Variants in NIPAL1 observed in about 807,000 individuals in gnomAD.
NIPAL1 encodes the protein magnesium transporter NIPA3.
Under a neutral mutation model 37.7 loss-of-function variants are expected in NIPAL1, and 35 were observed. The observed-to-expected ratio is 0.93, with a 90% CI of 0.71 to 1.23. The LOEUF is 1.23. Ranked by LOEUF, NIPAL1 falls within the 50% of genes most tolerant of loss-of-function variation. The pLI is 0.00. For missense variants in NIPAL1, 412 were observed against 473.9 expected (o/e 0.87, Z 1.21); for synonymous variants, 162 against 183.0 (o/e 0.89, Z 0.93).
At chr4:48,024,913 G>A (rs1715652545) in intron 1 of NIPAL1, among the ~76,000 whole-genome samples, 155 bp from the exon 2 acceptor site, 1 of 152,218 alleles carries the variant, frequency 6.6e-6, no homozygotes, top group South Asian at 2.1e-4. Flanking sequence ...AATTGACAGT[G>A]TCTATAGGTC....
Position 48,025,073 on chromosome 4 carries a change from G to T in NIPAL1, c.52G>T (p.Val18Leu), listed in dbSNP as rs1183320592. The change falls in exon 2 of 6, where the codon GTG (valine) becomes TTG (leucine). Residue 18 changes from valine to leucine, a missense_variant. Coordinates refer to ENST00000295461, the MANE Select transcript of NIPAL1 (RefSeq NM_207330.3). The part of the protein sequence containing the change: ...PPGEPCREGY[V>L]LSLVCPNSSQ... ...TCTTCTTTCCTTTTTTCCAGGATAT[G>T]TGCTGTCTCTGGTCTGTCCAAACTC... The T allele has an allele frequency of 6.2e-7, 1 of 1,612,656 alleles. No homozygotes were observed. Among genetic ancestry groups the T allele is most frequent in the Non-Finnish European group, 8.5e-7 (1 of 1,179,276 alleles).
In NIPAL1 at chr4:48,039,891, A is replaced by G. The variant is rs1309876090; in HGVS notation, c.*3719A>G. ...ACATTATCTCATTTTAAATAATGCA[A>G]GTGAAAGTGAATTCATCATACTATC... On this transcript the variant is annotated 3_prime_UTR_variant, in exon 6 of 6. Transcript: ENST00000295461. 2 of 152,224 alleles carry G rather than the reference A, an allele frequency of 1.3e-5. No homozygotes were observed. Among genetic ancestry groups the G allele is most frequent in the Non-Finnish European group, 2.9e-5 (2 of 68,024 alleles). 9.4% of individuals were successfully genotyped at this position (152,224 alleles called of 1,614,324 possible). A position where few individuals can be genotyped will look rare whatever the true frequency, so the allele number is the denominator to read the frequency against.
intron 3 of NIPAL1, among the ~76,000 whole-genome samples, chr4:48,032,421 T>C (rs1026003249): frequency 2.6e-5 from 4 of 152,220 alleles, no homozygotes; most frequent in Non-Finnish European, 4.4e-5. Context: ...TTCAGGAGCA[T>C]ATCATGACTT....
intron 1 of NIPAL1, among the ~76,000 whole-genome samples, chr4:48,021,417 T>A (rs1715564967): frequency 6.6e-6 from 1 of 152,214 alleles, no homozygotes; most frequent in African/African-American, 2.4e-5. Context: ...TGTGTGTATG[T>A]AAACTATTAC....
intron 1 of NIPAL1, among the ~76,000 whole-genome samples, chr4:48,021,274 T>G (rs996443520): frequency 6.6e-6 from 1 of 151,870 alleles, no homozygotes; most frequent in African/African-American, 2.4e-5. Flanking sequence ...AGAACAAACA[T>G]AGGTTATGAT....
In NIPAL1 at chr4:48,030,113, AT is replaced by A. The variant is rs1715787255; in HGVS notation, c.314-3del. Reference sequence around the variant, plus strand: ...TTTTTTGTTAATTTTTACTTTTTGTATTTTAGGACAAGGTGGACATTCTTAC... The same window carrying A: ...TTTTTTGTTAATTTTTACTTTTTGTATTTAGGACAAGGTGGACATTCTTAC... On this transcript the variant is annotated splice_polypyrimidine_tract_variant and splice_region_variant and intron_variant, in intron 2 of 5. Coordinates refer to ENST00000295461, the MANE Select transcript of NIPAL1 (RefSeq NM_207330.3). 1 of 1,589,316 alleles carries A rather than the reference AT, an allele frequency of 6.3e-7. No individual in the cohort carries two copies. Among genetic ancestry groups the A allele is most frequent in the African/African-American group, 1.3e-5 (1 of 74,412 alleles).
At chr4:48,021,244 C>A (rs1715561110) in intron 1 of NIPAL1, among the ~76,000 whole-genome samples, 1 of 152,066 alleles carries the variant, frequency 6.6e-6, no homozygotes, top group Admixed American at 6.6e-5. Context: ...TATGAGGCAC[C>A]AGTATTGTAA....
rs757343949 is a variant in NIPAL1, at chr4:48,032,956, C to A, written c.371-37C>A. Reference sequence around the variant, plus strand: ...TTGTTTTTCTCTTCTGACAAGTAAGCCCATTTTTTATATCAATATCTCTGC... The same window carrying A: ...TTGTTTTTCTCTTCTGACAAGTAAGACCATTTTTTATATCAATATCTCTGC... On this transcript the variant is annotated intron_variant, in intron 3 of 5. Transcript: ENST00000295461. 1.0e-5 allele frequency: 15 copies of A among 1,440,370 alleles called. No individual in the cohort carries two copies. In the East Asian group the frequency reaches 1.8e-4, roughly 17 times the overall value. The allele number at this position is 1,440,370 out of a possible 1,614,324, so 89.2% of individuals were successfully genotyped here. A position where few individuals can be genotyped will look rare whatever the true frequency, so the allele number is the denominator to read the frequency against.
At chr4:48,029,433 G>T (rs1243228702) in intron 2 of NIPAL1, among the ~76,000 whole-genome samples, 1 of 152,116 alleles carries the variant, frequency 6.6e-6, no homozygotes. Flanking sequence ...AGGTGGGAGG[G>T]TAAAAGGGTA....
At chr4:48,018,600 T>A (rs1323959876) in intron 1 of NIPAL1, among the ~76,000 whole-genome samples, 1 of 152,112 alleles carries the variant, frequency 6.6e-6, no homozygotes, top group African/African-American at 2.4e-5. Context: ...TAGGTGCAGG[T>A]GGGATTACAT....
Position 48,036,979 on chromosome 4 carries a change from T to A in NIPAL1, c.*807T>A, listed in dbSNP as rs1007399869. The A allele has an allele frequency of 2.2e-4, 34 of 155,778 alleles. No homozygotes were observed. The highest frequency in any genetic ancestry group is 4.3e-4 in the Non-Finnish European group (30 of 70,352). 9.6% of individuals were successfully genotyped at this position (155,778 alleles called of 1,614,324 possible). ...GGCTTTTGCTTTAAAAAACTTTTTTTAAAACAGAAGTGAAACCACGGGTGC... is the reference window on the plus strand; with the variant it reads ...GGCTTTTGCTTTAAAAAACTTTTTTAAAAACAGAAGTGAAACCACGGGTGC... On this transcript the variant is annotated 3_prime_UTR_variant, in exon 6 of 6. Transcript: ENST00000295461.
chr4:48,026,230 A>G (rs1715684640), intron 2 of NIPAL1, among the ~76,000 whole-genome samples: 1 of 152,230 alleles, frequency 6.6e-6, no homozygotes, highest in South Asian at 2.1e-4. Flanking sequence ...ATGGACAACA[A>G]TAGAATTAGG....
In NIPAL1 at chr4:48,023,488, T is replaced by C. The variant is rs114219671; in HGVS notation, c.47-1580T>C. Among the ~76,000 whole-genome samples the C allele has an allele frequency of 2.4e-3, 364 of 152,316 alleles. 3 individuals are homozygous for C. Among genetic ancestry groups the C allele is most frequent in the African/African-American group, 8.3e-3 (343 of 41,562 alleles). The stretch of plus-strand genomic sequence containing the variant: ...TTAAGATTTTTGAAATGTAAAACTT[T>C]TCTAAAAATTGAATTACAAAATTGT... On this transcript the variant is annotated intron_variant, in intron 1 of 5. Coordinates refer to ENST00000295461, the MANE Select transcript of NIPAL1 (RefSeq NM_207330.3).
chr4:48,024,989 T>G, intron 1 of NIPAL1, 79 bp from the exon 2 acceptor site: 1 of 1,293,176 alleles, frequency 7.7e-7, no homozygotes, highest in Admixed American at 1.9e-5. Context: ...CACTCAAGGC[T>G]CTGTTTCCTG....
intron 2 of NIPAL1, among the ~76,000 whole-genome samples, chr4:48,026,651 T>C (rs1715693120): frequency 6.6e-6 from 1 of 152,104 alleles, no homozygotes; most frequent in Non-Finnish European, 1.5e-5. Context: ...GAGAAAAACA[T>C]GAAAGTTCTG....
At chr4:48,026,127 A>G (rs1273639022) in intron 2 of NIPAL1, among the ~76,000 whole-genome samples, 2 of 152,102 alleles carry the variant, frequency 1.3e-5, no homozygotes, top group East Asian at 3.9e-4. Flanking sequence ...ATTGTTGCTG[A>G]CAGGTTTACT....
Position 48,035,770 on chromosome 4 carries a change from T to C in NIPAL1, c.831T>C (p.Phe277=). ...WKPVYKHPLV[F]VLLAVLVLSV... ...CAGTTTACAAACATCCGCTGGTCTT[T>C]GTTTTGCTGGCTGTACTTGTGCTTT... The change falls in exon 6 of 6, where the codon TTT becomes TTC. Residue 277 remains phenylalanine (F), a synonymous_variant. Transcript: ENST00000295461. 3 of 1,614,228 alleles carry C rather than the reference T, an allele frequency of 1.9e-6. No homozygotes were observed. The highest frequency in any genetic ancestry group is 2.5e-6 in the Non-Finnish European group (3 of 1,180,036).
rs1172612827 is a variant in NIPAL1, at chr4:48,038,287, T to C, written c.*2115T>C. On this transcript the variant is annotated 3_prime_UTR_variant, in exon 6 of 6. Coordinates refer to ENST00000295461, the MANE Select transcript of NIPAL1 (RefSeq NM_207330.3). The stretch of plus-strand genomic sequence containing the variant: ...TACCTCAGGTCAAAAATGTGTTTAC[T>C]CTGTTGATTGCTGTTTCACTTTACT... 6.6e-6 allele frequency: 1 copy of C among 152,234 alleles called. No individual in the cohort carries two copies. Among genetic ancestry groups the C allele is most frequent in the Non-Finnish European group, 1.5e-5 (1 of 68,044 alleles). 9.4% of individuals were successfully genotyped at this position (152,234 alleles called of 1,614,324 possible).
chr4:48,017,836 T>C (rs1715474321), intron 1 of NIPAL1, among the ~76,000 whole-genome samples: 1 of 145,012 alleles, frequency 6.9e-6, no homozygotes, highest in South Asian at 2.3e-4. Flanking sequence ...ACTATATATA[T>C]ACACATATAT....
Sources: gnomAD v4.1 joint callset for allele counts (sites outside exome capture counted in the v4.1 genomes callset) on GRCh38, gnomAD v4.1.1 for gene constraint, MANE v1.5 for transcripts, NCBI Gene and HGNC (gene_info 2026-07-23, HGNC 2026-07-21) for gene names.